The following TMC2 variants were observed in gnomAD, a reference collection of about 807,000 sequenced individuals.
TMC2 encodes transmembrane channel like 2.
TMC2 carries 102 observed loss-of-function variants against 105.9 expected under a neutral mutation model. The observed-to-expected ratio is 0.96, with a 90% CI of 0.82 to 1.14. The LOEUF is 1.14. Among genes scored for constraint, TMC2 ranks in the 50% most tolerant of loss-of-function variants. The pLI is 0.00. For synonymous variants in TMC2, 402 were observed against 422.8 expected (o/e 0.95, Z 0.60); for missense variants, 1,093 against 1,134.3 (o/e 0.96, Z 0.52).
At chr20:2,620,913 C>T (rs936434479) in intron 16 of TMC2, among the ~76,000 whole-genome samples, 11 of 152,174 alleles carry the variant, frequency 7.2e-5, no homozygotes, top group Non-Finnish European at 1.3e-4. Flanking sequence ...TCCATTTTCT[C>T]CCTTTTGGTA....
chr20:2,631,260 T>C (rs1280744960), intron 17 of TMC2, among the ~76,000 whole-genome samples: 1 of 152,260 alleles, frequency 6.6e-6, no homozygotes, highest in Admixed American at 6.5e-5. Flanking sequence ...TACATCTTTA[T>C]ACATTTTATG....
intron 3 of TMC2, among the ~76,000 whole-genome samples, chr20:2,561,057 C>T (rs6036964): frequency 0.66 from 99,929 of 152,048 alleles, 33,594 homozygotes; most frequent in African/African-American, 0.8. Flanking sequence ...CAACTGAATT[C>T]CTCATTTAAT....
intron 2 of TMC2, among the ~76,000 whole-genome samples, chr20:2,549,600 A>AG (rs2085945201): frequency 6.6e-6 from 1 of 151,662 alleles, no homozygotes; most frequent in East Asian, 2.0e-4. Flanking sequence ...AAAATTAGCC[A>AG]GGCATGGTGG....
At chr20:2,591,370 A>T (rs980104240) in intron 7 of TMC2, among the ~76,000 whole-genome samples, 1 of 152,204 alleles carries the variant, frequency 6.6e-6, no homozygotes, top group Admixed American at 6.5e-5. Context: ...AATATCTAAC[A>T]GTCATTATCT....
Position 2,597,134 on chromosome 20 carries a change from T to G in TMC2, c.1077-17T>G. Reference sequence around the variant, plus strand: ...AGAAAGAGGGCAGACGTCACAACAGTGCTGTGTGCCCTACAGGATGGCCAG... The same window carrying G: ...AGAAAGAGGGCAGACGTCACAACAGGGCTGTGTGCCCTACAGGATGGCCAG... On this transcript the variant is annotated splice_polypyrimidine_tract_variant and intron_variant, in intron 9 of 19. Transcript: ENST00000358864. The G allele has an allele frequency of 6.2e-7, 1 of 1,613,006 alleles. No individual in the cohort carries two copies. Among genetic ancestry groups the G allele is most frequent in the East Asian group, 2.2e-5 (1 of 44,846 alleles).
chr20:2,606,081 C>T (rs897346406), intron 11 of TMC2, among the ~76,000 whole-genome samples: 1 of 152,050 alleles, frequency 6.6e-6, no homozygotes, highest in Non-Finnish European at 1.5e-5. Flanking sequence ...AGTCAATGAC[C>T]AGAAAGAAGT....
At chr20:2,625,577 G>T (rs1418124523) in intron 17 of TMC2, among the ~76,000 whole-genome samples, 1 of 152,184 alleles carries the variant, frequency 6.6e-6, no homozygotes, top group Non-Finnish European at 1.5e-5. Context: ...GCGGATACAT[G>T]AGCACATGTT....
Position 2,558,419 on chromosome 20 carries a change from G to A in TMC2, c.83-37G>A, listed in dbSNP as rs1353025601. 2 of 1,549,374 alleles carry A rather than the reference G, an allele frequency of 1.3e-6. No individual in the cohort carries two copies. The highest frequency in any genetic ancestry group is 2.4e-5 in the East Asian group (1 of 40,926). The stretch of plus-strand genomic sequence containing the variant: ...GGGACATTTTCCTGGGCCTGAGGCC[G>A]TTGGAACCAGAACTGTCCATTTTCC... On this transcript the variant is annotated intron_variant, in intron 2 of 19. Coordinates refer to ENST00000358864, the MANE Select transcript of TMC2 (RefSeq NM_080751.3). The surrounding 1 kb of genome is among the most constrained non-coding windows in gnomAD (Gnocchi z 4.6).
At chr20:2,640,551 A>G (rs1019837725) in intron 19 of TMC2, among the ~76,000 whole-genome samples, 5 of 152,048 alleles carry the variant, frequency 3.3e-5, no homozygotes, top group African/African-American at 1.2e-4. Flanking sequence ...GCCTGCATCA[A>G]GCTAGTGCAA....
At position 2,558,201 on chromosome 20, in the gene TMC2, C is replaced by T. The variant is rs2085996220; in HGVS notation, c.83-255C>T. On this transcript the variant is annotated intron_variant, in intron 2 of 19. Transcript: ENST00000358864. This position sits in a 1 kb window ranked among gnomAD's most constrained non-coding sequence, Gnocchi z 4.6. ...CTTGGGTATAGGGCAGGACACCTGT[C>T]ACAGGAGGTCTTCAAGGGAGACGGG... The T allele has an allele frequency of 1.3e-6, 1 of 763,096 alleles. No homozygotes were observed. Among genetic ancestry groups the T allele is most frequent in the Non-Finnish European group, 2.0e-6 (1 of 504,920 alleles). 47.3% of individuals were successfully genotyped at this position (763,096 alleles called of 1,614,324 possible).
chr20:2,598,759 A>G (rs934530172), intron 10 of TMC2, among the ~76,000 whole-genome samples: 1 of 151,922 alleles, frequency 6.6e-6, no homozygotes, highest in Non-Finnish European at 1.5e-5. Context: ...AGTTTTTTTC[A>G]TGTGAAGTGC....
Position 2,616,062 on chromosome 20 carries a change from A to T in TMC2, c.1873-75A>T, listed in dbSNP as rs922073425. 12 of 1,234,958 alleles carry T rather than the reference A, an allele frequency of 9.7e-6. No homozygotes were observed. The highest frequency in any genetic ancestry group is 1.4e-5 in the Non-Finnish European group (12 of 853,152). The allele number at this position is 1,234,958 out of a possible 1,614,324, so 76.5% of individuals were successfully genotyped here. A position where few individuals can be genotyped will look rare whatever the true frequency, so the allele number is the denominator to read the frequency against. ...GCCTTGGCTTGGCCAGTTGGTTGGT[A>T]GTAGGGTTTGGCTGAATTCACCAAA... is the stretch of plus-strand genomic sequence containing the variant. On this transcript the variant is annotated intron_variant, in intron 14 of 19. Transcript: ENST00000358864. This position sits in a 1 kb window ranked among gnomAD's most constrained non-coding sequence, Gnocchi z 4.8.
At chr20:2,575,350 C>T (rs2422790) in intron 5 of TMC2, among the ~76,000 whole-genome samples, 16,560 of 152,162 alleles carry the variant, frequency 0.11, 1,038 homozygotes, top group African/African-American at 0.16. Flanking sequence ...TTTTACTACA[C>T]ATTTTTCAAA....
At chr20:2,613,618 A>T (rs181058149) in intron 14 of TMC2, 3 of 373,464 alleles carry the variant, frequency 8.0e-6, no homozygotes, top group East Asian at 1.3e-4. Context: ...AATGGTTGAT[A>T]GGGAATTGCA....
intron 4 of TMC2, among the ~76,000 whole-genome samples, chr20:2,568,985 T>C (rs190430423): frequency 2.6e-5 from 4 of 152,264 alleles, no homozygotes; most frequent in Admixed American, 2.6e-4. Context: ...GTGGTGACTG[T>C]AGCAATAGCA....
chr20:2,587,266 G>A (rs1227773740), intron 7 of TMC2, among the ~76,000 whole-genome samples: 1 of 152,008 alleles, frequency 6.6e-6, no homozygotes, highest in Non-Finnish European at 1.5e-5. Flanking sequence ...TTAATGCCAT[G>A]TTATTGGGCA....
In TMC2 at chr20:2,550,436, T is replaced by C. The variant is rs1600096700; in HGVS notation, c.83-8020T>C. On this transcript the variant is annotated intron_variant, in intron 2 of 19. Transcript: ENST00000358864. ...CCCTCACCGAATGTTTCTCCTAGCATGTCGCATTGGGTGTGCTGCGTTTGT... is the reference window on the plus strand; with the variant it reads ...CCCTCACCGAATGTTTCTCCTAGCACGTCGCATTGGGTGTGCTGCGTTTGT... Among the ~76,000 whole-genome samples the C allele has an allele frequency of 2.0e-5, 3 of 152,210 alleles. No homozygotes were observed. In the South Asian group the frequency reaches 6.2e-4, roughly 32 times the overall value.
At chr20:2,576,373 C>T (rs986147832) in intron 5 of TMC2, among the ~76,000 whole-genome samples, 21 of 152,324 alleles carry the variant, frequency 1.4e-4, no homozygotes, top group Non-Finnish European at 2.6e-4. Context: ...TCCCAGGCCT[C>T]TCTCTGCCTC....
At position 2,564,982 on chromosome 20, in the gene TMC2, C is replaced by A. The variant is rs2086053926; in HGVS notation, c.554+2972C>A. On this transcript the variant is annotated intron_variant, in intron 4 of 19. Transcript: ENST00000358864. ...AGAAGATCTGTGCTTTCTGCCACCT[C>A]TCCTTGCTAACTCCTACACACCTTG... 5.3e-5 allele frequency among the ~76,000 whole-genome samples: 8 copies of A among 152,336 alleles called. No individual in the cohort carries two copies. The South Asian group carries it at 1.7e-3, about 32-fold the overall frequency.
Sources: allele counts gnomAD v4.1 joint callset (sites outside exome capture counted in the v4.1 genomes callset), GRCh38; gene constraint gnomAD v4.1.1; non-coding constraint Gnocchi (gnomAD v3.1); transcripts MANE v1.5; gene names NCBI Gene and HGNC (gene_info 2026-07-23, HGNC 2026-07-21).